Variants in CCDC180 observed in about 807,000 individuals in gnomAD.
CCDC180 encodes the protein coiled-coil domain containing 180.
In CCDC180, 154 loss-of-function variants were observed where a neutral mutation model predicts 209.2. The observed-to-expected ratio is 0.74, with a 90% confidence interval of 0.65 to 0.84. CCDC180 has a LOEUF of 0.84. Ranked by LOEUF, CCDC180 falls within the 40% of genes least tolerant of loss-of-function variation. The pLI is 0.00. For synonymous variants in CCDC180, 778 were observed against 749.1 expected (o/e 1.04, Z -0.63); for missense variants, 1,874 against 1,997.3 (o/e 0.94, Z 1.18).
chr9:97,361,678 C>T (rs780966232), intron 26 of CCDC180, 48 bp from the exon 27 acceptor site: 9 of 1,593,248 alleles, frequency 5.6e-6, no homozygotes, highest in Non-Finnish European at 7.7e-6. Flanking sequence ...GCCTCGCTGG[C>T]ACCTGGGCTG....
chr9:97,336,125 G>A (rs1025156527), intron 18 of CCDC180, among the ~76,000 whole-genome samples: 5 of 151,600 alleles, frequency 3.3e-5, no homozygotes, highest in Non-Finnish European at 5.9e-5. Flanking sequence ...CCATTCTGTA[G>A]GTTGCCTGTT....
intron 20 of CCDC180, among the ~76,000 whole-genome samples, chr9:97,348,382 T>C (rs529146676): frequency 6.6e-6 from 1 of 152,302 alleles, no homozygotes; most frequent in African/African-American, 2.4e-5. Context: ...CTAAATGCAC[T>C]GAGGAATAAA....
chr9:97,345,028 G>A (rs1199299843), intron 19 of CCDC180, among the ~76,000 whole-genome samples: 1 of 152,064 alleles, frequency 6.6e-6, no homozygotes, highest in Non-Finnish European at 1.5e-5. Context: ...ATTGAATGTG[G>A]CTAGGGTTCA....
At position 97,318,437 on chromosome 9, in the gene CCDC180, A is replaced by G. The variant is rs1236144557; in HGVS notation, c.960-26A>G. 2.5e-6 allele frequency: 4 copies of G among 1,611,644 alleles called. No individual in the cohort carries two copies. The Admixed American group carries it at 5.0e-5, about 20-fold the overall frequency. Reference sequence around the variant, plus strand: ...CTGCCCTGCTCCTCCTCTCCCCTTTATGGTGCCAACATGTCTGGCCACCAG... The same window carrying G: ...CTGCCCTGCTCCTCCTCTCCCCTTTGTGGTGCCAACATGTCTGGCCACCAG... On this transcript the variant is annotated intron_variant, in intron 9 of 36. Coordinates refer to ENST00000529487, the MANE Select transcript of CCDC180 (RefSeq NM_020893.6).
chr9:97,320,657 G>A (rs1833329019), intron 11 of CCDC180, among the ~76,000 whole-genome samples: 1 of 152,160 alleles, frequency 6.6e-6, no homozygotes, highest in South Asian at 2.1e-4. Flanking sequence ...CTTGTGGGGT[G>A]GATGTCCAGT....
chr9:97,324,903 C>T (rs774308603), intron 13 of CCDC180, 116 bp from the exon 14 acceptor site: 205 of 929,962 alleles, frequency 2.2e-4, no homozygotes, highest in Non-Finnish European at 3.0e-4. Context: ...CCTTGAGGGA[C>T]GGTGTCTGGG....
chr9:97,324,266 T>C (rs184287310), intron 13 of CCDC180, among the ~76,000 whole-genome samples: 9 of 152,306 alleles, frequency 5.9e-5, no homozygotes, highest in Admixed American at 5.9e-4. Context: ...ATGGTGACTA[T>C]TTTAGGCTCT....
chr9:97,319,493 C>T (rs1428700538), intron 10 of CCDC180, among the ~76,000 whole-genome samples: 1 of 152,124 alleles, frequency 6.6e-6, no homozygotes, highest in Admixed American at 6.5e-5. Flanking sequence ...TTCCACCCTC[C>T]ACCCTCAAGT....
intron 22 of CCDC180, among the ~76,000 whole-genome samples, chr9:97,353,390 A>C (rs1452640312): frequency 6.6e-6 from 1 of 152,158 alleles, no homozygotes; most frequent in Non-Finnish European, 1.5e-5. Flanking sequence ...TCTTAAGCCT[A>C]GTTATTTTAT....
chr9:97,371,064 C>T (rs1290707861), intron 33 of CCDC180: 2 of 186,690 alleles, frequency 1.1e-5, no homozygotes, highest in Non-Finnish European at 1.1e-5. Context: ...CCCGGGTTCA[C>T]GCCATTCTCC....
Position 97,362,438 on chromosome 9 carries a change from G to T in CCDC180, c.3899G>T (p.Gly1300Val), listed in dbSNP as rs1291063933. Residue 1300 changes from glycine to valine, a missense_variant, in exon 28 of 37, where the codon GGC becomes GTC. Physicochemically the swap from Gly to Val is moderately radical, Grantham distance 109. Coordinates refer to ENST00000529487, the MANE Select transcript of CCDC180 (RefSeq NM_020893.6). ...AVPSASATSA[G>V]SFTPHPKPNK... ...CCCAGTGCCAGTGCTACCTCTGCAGGCAGGTAGGACACAAAGCAGCCAGAA... is the reference window on the plus strand; with the variant it reads ...CCCAGTGCCAGTGCTACCTCTGCAGTCAGGTAGGACACAAAGCAGCCAGAA... The T allele has an allele frequency of 1.2e-6, 2 of 1,613,330 alleles. No homozygotes were observed. The highest frequency in any genetic ancestry group is 1.7e-5 in the Admixed American group (1 of 59,994).
In CCDC180 at chr9:97,313,348, G is replaced by T; in HGVS notation, c.459+3G>T. The T allele has an allele frequency of 6.3e-7, 1 of 1,597,010 alleles. No individual in the cohort carries two copies. The highest frequency in any genetic ancestry group is 1.1e-5 in the South Asian group (1 of 90,644). On this transcript the variant is annotated splice_donor_region_variant and intron_variant, in intron 5 of 36. Coordinates refer to ENST00000529487, the MANE Select transcript of CCDC180 (RefSeq NM_020893.6). ...AGGAGATTGCGCAGGTGGGAAAGGT[G>T]AGAATCCTCCCTCTCCCTTCTCTTC...
rs1249108194 is a variant in CCDC180, at chr9:97,366,785, A to AT, written c.4189+86dup. On this transcript the variant is annotated intron_variant, in intron 31 of 36. Transcript: ENST00000529487. This position sits in a 1 kb window ranked among gnomAD's most constrained non-coding sequence, Gnocchi z 4.3. ...GCTCGGCCTTGGCCTTGTGGCCTGG[A>AT]TCCTCCCCTCTGGGGGAGGCAGAAG... is the stretch of plus-strand genomic sequence containing the variant. 6.8e-6 allele frequency: 10 copies of AT among 1,463,298 alleles called. No homozygotes were observed. In the Admixed American group the frequency reaches 1.6e-4, roughly 23 times the overall value. 90.6% of individuals were successfully genotyped at this position (1,463,298 alleles called of 1,614,324 possible). A position where few individuals can be genotyped will look rare whatever the true frequency, so the allele number is the denominator to read the frequency against.
Position 97,375,449 on chromosome 9 carries a change from T to C in CCDC180, c.4707-5T>C. ...TGTGAGATTTTCACACATGTTTGTT[T>C]GTAGGAAGTGGCCAGGGATCAAACC... On this transcript the variant is annotated splice_region_variant and splice_polypyrimidine_tract_variant and intron_variant, in intron 35 of 36. Coordinates refer to ENST00000529487, the MANE Select transcript of CCDC180 (RefSeq NM_020893.6). 6.2e-7 allele frequency: 1 copy of C among 1,614,186 alleles called. No individual in the cohort carries two copies. Among genetic ancestry groups the C allele is most frequent in the Non-Finnish European group, 8.5e-7 (1 of 1,180,012 alleles).
intron 18 of CCDC180, among the ~76,000 whole-genome samples, chr9:97,337,696 T>A (rs961716056): frequency 5.3e-5 from 8 of 152,194 alleles, no homozygotes; most frequent in African/African-American, 1.7e-4. Flanking sequence ...TTAGGGAGGA[T>A]TCCCTCCTTT....
Position 97,327,370 on chromosome 9 carries a change from A to G in CCDC180, c.1662-650A>G, listed in dbSNP as rs1833568094. ...TGGATTATACCGTGCAAATTGTTCC[A>G]TAACTACAGATATACTTCCTTTTTT... On this transcript the variant is annotated intron_variant, in intron 15 of 36. Transcript: ENST00000529487. Among the ~76,000 whole-genome samples the G allele has an allele frequency of 3.3e-5, 5 of 152,302 alleles. No individual in the cohort carries two copies. In the South Asian group the frequency reaches 8.3e-4, roughly 25 times the overall value.
At chr9:97,371,495 G>A in intron 33 of CCDC180, 100 bp from the exon 34 acceptor site, 1 of 643,708 alleles carries the variant, frequency 1.6e-6, no homozygotes, top group Non-Finnish European at 2.7e-6. Flanking sequence ...AATGGCTTGG[G>A]TCCCCAGATC....
chr9:97,309,005 A>G lies in CCDC180; in HGVS notation c.70-409A>G, dbSNP rs528965089. 3.9e-5 allele frequency among the ~76,000 whole-genome samples: 6 copies of G among 152,324 alleles called. No homozygotes were observed. In the South Asian group the frequency reaches 1.0e-3, roughly 26 times the overall value. On this transcript the variant is annotated intron_variant, in intron 2 of 36. Transcript: ENST00000529487. ...GCATGTAAGTGATATATTTAACCAT[A>G]TATCATCTCCTAAGCATTTCCTCAG...
At chr9:97,320,081 A>G (rs1833306440) in intron 10 of CCDC180, 45 bp from the exon 11 acceptor site, 1 of 1,499,454 alleles carries the variant, frequency 6.7e-7, no homozygotes, top group South Asian at 1.1e-5. Context: ...TGGTGAGTAA[A>G]CGGTTTGTTC....
Sources: gnomAD v4.1 joint callset for allele counts (sites outside exome capture counted in the v4.1 genomes callset) on GRCh38, gnomAD v4.1.1 for gene constraint, Gnocchi (gnomAD v3.1) non-coding constraint, MANE v1.5 for transcripts, NCBI Gene and HGNC (gene_info 2026-07-23, HGNC 2026-07-21) for gene names.